Variants in KCNMA1 observed in about 807,000 individuals in gnomAD.
KCNMA1 encodes Calcium-activated potassium channel subunit alpha-1.
A neutral mutation model predicts 140.0 loss-of-function variants in KCNMA1; 29 were observed. The ratio of observed to expected loss-of-function variants is 0.21; its 90% CI spans 0.15 to 0.28. KCNMA1 has a LOEUF of 0.28. Ranked by LOEUF, KCNMA1 falls within the 10% of genes least tolerant of loss-of-function variation. KCNMA1 has a pLI of 1.00. For synonymous variants in KCNMA1, 612 were observed against 611.9 expected (o/e 1.00, Z 0.00); for missense variants, 880 against 1,602.2 (o/e 0.55, Z 7.70).
chr10:77,496,412 T>A (rs1215409106), intron 1 of KCNMA1, among the ~76,000 whole-genome samples: 1 of 151,922 alleles, frequency 6.6e-6, no homozygotes. Context: ...CTGGCTAACA[T>A]GGTGAAACCC....
intron 19 of KCNMA1, among the ~76,000 whole-genome samples, chr10:76,988,116 G>T (rs2081787094): frequency 6.6e-6 from 1 of 152,166 alleles, no homozygotes; most frequent in African/African-American, 2.4e-5. Context: ...GAAAGAGAGA[G>T]TGTTACAGGG....
intron 1 of KCNMA1, among the ~76,000 whole-genome samples, chr10:77,499,430 C>G (rs1362292657): frequency 7.3e-6 from 1 of 136,702 alleles, no homozygotes; most frequent in East Asian, 2.0e-4. Flanking sequence ...TATACACACA[C>G]ACACATACAC....
chr10:77,086,466 G>C lies in KCNMA1; in HGVS notation c.1440+22C>G, dbSNP rs200683510. On this transcript the variant is annotated intron_variant, in intron 11 of 27. Transcript: ENST00000286628. ...CCCACACCAAGATGGAATAAAAGCA[G>C]AAGTCACCTCTTCCTCCTTACCTTG... 1.2e-4 allele frequency: 188 copies of C among 1,547,910 alleles called. 3 individuals are homozygous for C. In the South Asian group the frequency reaches 1.9e-3, roughly 16 times the overall value.
intron 23 of KCNMA1, among the ~76,000 whole-genome samples, chr10:76,925,465 G>C (rs1275190890): frequency 1.3e-5 from 2 of 152,016 alleles, no homozygotes; most frequent in African/African-American, 4.8e-5. Context: ...TGATATCAAG[G>C]GGATACTAAT....
chr10:77,384,698 A>G (rs2095541143), intron 2 of KCNMA1, among the ~76,000 whole-genome samples: 1 of 152,216 alleles, frequency 6.6e-6, no homozygotes, highest in African/African-American at 2.4e-5. Context: ...TCTCACCACC[A>G]TAGTGAATGC....
At chr10:77,626,306 C>T (rs758291716) in intron 1 of KCNMA1, among the ~76,000 whole-genome samples, 62 of 152,172 alleles carry the variant, frequency 4.1e-4, no homozygotes, top group Non-Finnish European at 7.4e-4. Flanking sequence ...GAATCTACCA[C>T]CTGATCGGCT....
At chr10:77,363,456 A>C (rs1393387577) in intron 2 of KCNMA1, among the ~76,000 whole-genome samples, 2 of 152,232 alleles carry the variant, frequency 1.3e-5, no homozygotes, top group Non-Finnish European at 2.9e-5. Context: ...GGGTGAGTGC[A>C]TAAGCTCTTC....
chr10:77,519,735 C>T lies in KCNMA1; in HGVS notation c.379-115712G>A, dbSNP rs1300893748. ...GCAATTACCTCAACAATTAACACAT[C>T]CCTTCGTGAAACACAGAACAGAAAA... is the stretch of plus-strand genomic sequence containing the variant. On this transcript the variant is annotated intron_variant, in intron 1 of 27. Coordinates refer to ENST00000286628, the MANE Select transcript of KCNMA1 (RefSeq NM_001161352.2). 3.9e-5 allele frequency among the ~76,000 whole-genome samples: 6 copies of T among 152,318 alleles called. No homozygotes were observed. The East Asian group carries it at 9.6e-4, about 24-fold the overall frequency.
chr10:77,099,689 G>C (rs2097046601), intron 9 of KCNMA1, among the ~76,000 whole-genome samples: 1 of 148,148 alleles, frequency 6.8e-6, no homozygotes. Context: ...ACTCCAGCCT[G>C]GGCAACAAGA....
intron 1 of KCNMA1, among the ~76,000 whole-genome samples, chr10:77,583,161 C>T (rs1242771795): frequency 6.6e-6 from 1 of 152,280 alleles, no homozygotes; most frequent in Non-Finnish European, 1.5e-5. Context: ...GCCCTTGTAG[C>T]TCTGCCTGCT....
At chr10:77,277,987 C>T (rs2067158971) in intron 2 of KCNMA1, among the ~76,000 whole-genome samples, 1 of 152,202 alleles carries the variant, frequency 6.6e-6, no homozygotes, top group Non-Finnish European at 1.5e-5. Flanking sequence ...ATACCAAGAG[C>T]TGTTCATGCA....
intron 1 of KCNMA1, among the ~76,000 whole-genome samples, chr10:77,453,901 G>A (rs1366596028): frequency 2.0e-5 from 3 of 152,122 alleles, no homozygotes; most frequent in African/African-American, 7.2e-5. Flanking sequence ...CAGCCAGAGT[G>A]GAAACCTCAA....
chr10:77,096,889 C>G (rs995191006), intron 9 of KCNMA1, among the ~76,000 whole-genome samples: 1 of 152,158 alleles, frequency 6.6e-6, no homozygotes, highest in African/African-American at 2.4e-5. Context: ...TCCCAAAATG[C>G]ATCTCACCAT....
intron 25 of KCNMA1, chr10:76,903,982 A>G (rs977903100): frequency 2.0e-5 from 3 of 152,232 alleles, no homozygotes; most frequent in Non-Finnish European, 4.4e-5. Context: ...GAAAGAGAGA[A>G]AGAGAGAGGA....
At chr10:77,364,779 C>A (rs1029589777) in intron 2 of KCNMA1, among the ~76,000 whole-genome samples, 3 of 152,148 alleles carry the variant, frequency 2.0e-5, no homozygotes, top group Non-Finnish European at 2.9e-5. Context: ...GGACAAGACC[C>A]AGAGTGGCAT....
chr10:76,892,050 A>T (rs7087345), intron 25 of KCNMA1, among the ~76,000 whole-genome samples: 13,663 of 152,074 alleles, frequency 0.09, 778 homozygotes, highest in African/African-American at 0.16. Context: ...AGTCTACGTG[A>T]CTACTATGAG....
At position 77,403,879 on chromosome 10, in the gene KCNMA1, G is replaced by A; in HGVS notation, c.523C>T (p.Leu175=). ...AGACTCACCAGGACTCTGCCAGTCA[G>A]TGTCTGGGCGGATATCATCACCCCC... ...WAGVMISAQT[L]TGRVLVVLVF... is the part of the protein sequence containing the mutation. Residue 175 remains leucine (L), a synonymous_variant, in exon 2 of 28, where the codon CTG becomes TTG. Coordinates refer to ENST00000286628, the MANE Select transcript of KCNMA1 (RefSeq NM_001161352.2). 1 of 1,613,946 alleles carries A rather than the reference G, an allele frequency of 6.2e-7. No homozygotes were observed. The highest frequency in any genetic ancestry group is 1.1e-5 in the South Asian group (1 of 91,070).
intron 1 of KCNMA1, chr10:77,634,313 A>G (rs1397825759): frequency 4.1e-6 from 4 of 985,358 alleles, no homozygotes; most frequent in Non-Finnish European, 4.8e-6. Context: ...TCCCAACAGG[A>G]GGAAATTGTA....
intron 1 of KCNMA1, among the ~76,000 whole-genome samples, chr10:77,506,621 T>TGTGTGTGTGTGTGTG (rs1567212159): frequency 1.9e-5 from 1 of 54,012 alleles, no homozygotes; most frequent in African/African-American, 1.1e-4. Context: ...GTGTGTGTGT[T>TGTGTGTGTGTGTGTG]AGAGAGGGAG....
Sources: allele counts gnomAD v4.1 joint callset (sites outside exome capture counted in the v4.1 genomes callset), GRCh38; gene constraint gnomAD v4.1.1; transcripts MANE v1.5; gene names NCBI Gene and HGNC (gene_info 2026-07-23, HGNC 2026-07-21).